Variants in FBN2 observed in about 807,000 individuals in gnomAD.
The protein encoded by FBN2 is fibrillin-2.
Under a neutral mutation model 355.6 loss-of-function variants are expected in FBN2, and 105 were observed. The observed-to-expected ratio is 0.30, with a 90% confidence interval of 0.25 to 0.35. The LOEUF (loss-of-function observed/expected upper bound fraction) is 0.35, where lower values mean the gene tolerates loss of function less well. FBN2 is among the 10% of genes least tolerant of loss of function. The pLI is 1.00. For synonymous variants in FBN2, 1,350 were observed against 1,301.2 expected, an observed-to-expected ratio of 1.04 and a Z score of -0.81; for missense variants, 3,280 against 3,758.7, an observed-to-expected ratio of 0.87 and a Z score of 3.33.
At chr5:128,433,871 C>G (rs1040504289) in intron 7 of FBN2, among the ~76,000 whole-genome samples, 2 of 152,090 alleles carry the variant, frequency 1.3e-5, no homozygotes, top group Non-Finnish European at 2.9e-5. Context: ...CCACAGCCCT[C>G]TAGGAAAATC....
chr5:128,511,949 A>G (rs1021595710), intron 5 of FBN2, among the ~76,000 whole-genome samples: 1 of 152,240 alleles, frequency 6.6e-6, no homozygotes, highest in Non-Finnish European at 1.5e-5. Flanking sequence ...AGGGCAAACT[A>G]AGACATTTTC....
chr5:128,399,632 T>C (rs896929443), intron 8 of FBN2, among the ~76,000 whole-genome samples: 4 of 152,072 alleles, frequency 2.6e-5, no homozygotes, highest in African/African-American at 4.8e-5. Context: ...ACAATAATGA[T>C]TAAGTTGTCA....
chr5:128,394,525 T>C (rs1202649152), intron 9 of FBN2, among the ~76,000 whole-genome samples: 1 of 152,194 alleles, frequency 6.6e-6, no homozygotes, highest in African/African-American at 2.4e-5. Flanking sequence ...TTCTTCCTCA[T>C]AGATATTTGA....
chr5:128,516,698 T>C (rs919064077), intron 5 of FBN2, among the ~76,000 whole-genome samples: 1 of 152,166 alleles, frequency 6.6e-6, no homozygotes, highest in African/African-American at 2.4e-5. Flanking sequence ...AACATATATT[T>C]TGAAATTCAG....
In FBN2 at chr5:128,361,860, G is replaced by T; in HGVS notation, c.2429-12C>A. ...ACATTCATCAATGTCTGAAAGCAAC[G>T]ATTGAAAGATAGGAGATACACATAT... On this transcript the variant is annotated splice_polypyrimidine_tract_variant and intron_variant, in intron 18 of 64. Coordinates refer to ENST00000262464, the MANE Select transcript of FBN2 (RefSeq NM_001999.4). 1 of 1,613,208 alleles carries T rather than the reference G, an allele frequency of 6.2e-7. No homozygotes were observed. The highest frequency in any genetic ancestry group is 1.1e-5 in the South Asian group (1 of 91,048).
intron 4 of FBN2, among the ~76,000 whole-genome samples, chr5:128,526,344 A>C (rs893366836): frequency 6.6e-6 from 1 of 152,148 alleles, no homozygotes; most frequent in African/African-American, 2.4e-5. Flanking sequence ...GTATGGCAGC[A>C]TTTCAAAAAA....
rs370743261 is a variant in FBN2 at position 128,261,717 on chromosome 5, C to G, written c.8364+19G>C. ...GTAGGGATAAAATTTTGTGGCAACA[C>G]AGAGTGGGATATACTCACAGCAGTG... is the stretch of plus-strand genomic sequence containing the variant. On this transcript the variant is annotated intron_variant, in intron 64 of 64. Transcript: ENST00000262464. The G allele has an allele frequency of 6.2e-7, 1 of 1,613,650 alleles. No individual in the cohort carries two copies. The highest frequency in any genetic ancestry group is 1.1e-5 in the South Asian group (1 of 91,074).
chr5:128,389,547 C>T (rs894597086), intron 11 of FBN2, among the ~76,000 whole-genome samples: 1 of 152,176 alleles, frequency 6.6e-6, no homozygotes, highest in Non-Finnish European at 1.5e-5. Context: ...CTGTCCAGGT[C>T]CAACAGTCAA....
At chr5:128,412,277 T>G (rs901877752) in intron 7 of FBN2, among the ~76,000 whole-genome samples, 2 of 152,266 alleles carry the variant, frequency 1.3e-5, no homozygotes, top group Non-Finnish European at 2.9e-5. Context: ...CTCTGTATTT[T>G]GACTTGAGCT....
At chr5:128,362,758 C>A (rs1327097439) in intron 18 of FBN2, among the ~76,000 whole-genome samples, 1 of 152,184 alleles carries the variant, frequency 6.6e-6, no homozygotes, top group Non-Finnish European at 1.5e-5. Context: ...AGCTACCGCA[C>A]CTGGCCTCAC....
chr5:128,432,746 T>C (rs945521262), intron 7 of FBN2, among the ~76,000 whole-genome samples: 2 of 152,172 alleles, frequency 1.3e-5, no homozygotes, highest in African/African-American at 4.8e-5. Context: ...TAGTATTTTA[T>C]TTTGACCTGC....
chr5:128,268,563 A>G (rs991023591), intron 62 of FBN2, among the ~76,000 whole-genome samples: 1 of 152,194 alleles, frequency 6.6e-6, no homozygotes, highest in Admixed American at 6.5e-5. Context: ...CCTGGCAGAA[A>G]CACAACAAAA....
intron 48 of FBN2, among the ~76,000 whole-genome samples, chr5:128,299,801 G>T (rs1202416700): frequency 6.6e-6 from 1 of 152,116 alleles, no homozygotes; most frequent in Non-Finnish European, 1.5e-5. Context: ...CTCATGCTGG[G>T]AGCTGTAGAC....
At chr5:128,528,470 A>T (rs992193826) in intron 3 of FBN2, among the ~76,000 whole-genome samples, 2 of 152,166 alleles carry the variant, frequency 1.3e-5, no homozygotes, top group Admixed American at 1.3e-4. Context: ...GCCAAGAAGG[A>T]GCTTAGATAC....
intron 4 of FBN2, among the ~76,000 whole-genome samples, chr5:128,521,091 C>A (rs544468689): frequency 1.3e-5 from 2 of 152,038 alleles, no homozygotes; most frequent in Non-Finnish European, 2.9e-5. Flanking sequence ...GCACTATTCA[C>A]AATAGCAAAG....
At chr5:128,473,362 G>A (rs554652967) in intron 5 of FBN2, among the ~76,000 whole-genome samples, 6 of 152,234 alleles carry the variant, frequency 3.9e-5, no homozygotes, top group Admixed American at 3.3e-4. Flanking sequence ...CCCCATTCTT[G>A]AAAACTAGAA....
chr5:128,273,690 AG>A (rs1417439320), intron 61 of FBN2, 149 bp downstream of exon 61: 1 of 786,908 alleles, frequency 1.3e-6, no homozygotes, highest in Non-Finnish European at 2.1e-6. Flanking sequence ...AGTGATACAT[AG>A]AAATTTATGA....
At chr5:128,350,411 C>A (rs1751315995) in intron 21 of FBN2, among the ~76,000 whole-genome samples, 1 of 152,112 alleles carries the variant, frequency 6.6e-6, no homozygotes, top group Admixed American at 6.5e-5. Flanking sequence ...ATTAGCTGGG[C>A]ATGGTGGCGG....
chr5:128,523,555 T>C (rs1756489922), intron 4 of FBN2, among the ~76,000 whole-genome samples: 1 of 152,078 alleles, frequency 6.6e-6, no homozygotes. Context: ...TATCTCTATG[T>C]CCAACCTCTC....
Sources: gnomAD v4.1 joint callset for allele counts (sites outside exome capture counted in the v4.1 genomes callset) on GRCh38, gnomAD v4.1.1 for gene constraint, MANE v1.5 for transcripts, NCBI Gene and HGNC (gene_info 2026-07-23, HGNC 2026-07-21) for gene names.